ZFYVE21: variants seen among roughly 807,000 people sequenced by gnomAD.
ZFYVE21 encodes zinc finger FYVE domain-containing protein 21.
In ZFYVE21, 21 loss-of-function variants were observed where a neutral mutation model predicts 29.5. The observed-to-expected ratio is 0.71, with a 90% CI of 0.50 to 1.02. The LOEUF (loss-of-function observed/expected upper bound fraction) is 1.02, where lower values mean the gene tolerates loss of function less well. ZFYVE21 is among the 50% of genes least tolerant of loss of function. The pLI, the probability that ZFYVE21 is intolerant of heterozygous loss-of-function variation, is 0.00. For missense variants in ZFYVE21, 326 were observed against 335.4 expected (o/e 0.97, Z 0.22); for synonymous variants, 151 against 133.8 (o/e 1.13, Z -0.89).
At position 103,716,103 on chromosome 14, in the gene ZFYVE21, C is replaced by T. The variant is rs1278068825; in HGVS notation, c.138+124C>T. The T allele has an allele frequency of 6.2e-6, 6 of 963,094 alleles. No individual in the cohort carries two copies. The highest frequency in any genetic ancestry group is 7.8e-6 in the Non-Finnish European group (6 of 774,000). The allele number at this position is 963,094 out of a possible 1,614,324, so 59.7% of individuals were successfully genotyped here. ...GGGCGGCCCCTTCCCCAGCCGGCCC[C>T]CGCCCCCGCTCTCTCCCAGGTTGGC... On this transcript the variant is annotated intron_variant, in intron 1 of 6. Coordinates refer to ENST00000311141, the MANE Select transcript of ZFYVE21 (RefSeq NM_024071.4). The surrounding 1 kb of genome is among the most constrained non-coding windows in gnomAD (Gnocchi z 4.8).
rs2083817213 is a variant in ZFYVE21, at chr14:103,716,541, C to T, written c.138+562C>T. Among the ~76,000 whole-genome samples the T allele has an allele frequency of 6.6e-6, 1 of 152,238 alleles. No individual in the cohort carries two copies. Among genetic ancestry groups the T allele is most frequent in the African/African-American group, 2.4e-5 (1 of 41,466 alleles). On this transcript the variant is annotated intron_variant, in intron 1 of 6. Transcript: ENST00000311141. The surrounding 1 kb of genome is among the most constrained non-coding windows in gnomAD (Gnocchi z 4.8). ...CCTGCTCGGAAGGAGGGCCAGGACC[C>T]AGTCTGCGGGCCAGGCTGCCCCCCG...
chr14:103,716,300 G>T lies in ZFYVE21; in HGVS notation c.138+321G>T, dbSNP rs1261322924. On this transcript the variant is annotated intron_variant, in intron 1 of 6. Coordinates refer to ENST00000311141, the MANE Select transcript of ZFYVE21 (RefSeq NM_024071.4). This position sits in a 1 kb window ranked among gnomAD's most constrained non-coding sequence, Gnocchi z 4.8. ...CGGGGGTGGGTGCGGCCCTGCCCGA[G>T]GCCGGTTCGTGCTGGGCTAGCGCGT... Among the ~76,000 whole-genome samples, 1 of 152,190 alleles carries T rather than the reference G, an allele frequency of 6.6e-6. No homozygotes were observed. Among genetic ancestry groups the T allele is most frequent in the Non-Finnish European group, 1.5e-5 (1 of 68,018 alleles).
intron 1 of ZFYVE21, 180 bp from the exon 2 acceptor site, chr14:103,726,612 C>T: frequency 2.7e-6 from 2 of 747,294 alleles, no homozygotes; most frequent in Non-Finnish European, 4.6e-6. Context: ...ACCGCATTGG[C>T]TCTGGAGCCT....
chr14:103,729,959 G>A (rs1359681889), intron 5 of ZFYVE21: 4 of 1,224,950 alleles, frequency 3.3e-6, no homozygotes, highest in Non-Finnish European at 4.5e-6. Flanking sequence ...TGTGAAACCT[G>A]AATTCACTTA....
chr14:103,729,149 G>T lies in ZFYVE21; in HGVS notation c.493G>T (p.Val165Leu). The change falls in exon 5 of 7, where the codon GTG becomes TTG. Residue 165 changes from valine (V) to leucine (L), a missense_variant. Coordinates refer to ENST00000311141, the MANE Select transcript of ZFYVE21 (RefSeq NM_024071.4). Reference sequence around the variant, plus strand: ...AATCGAAATTGTACACATTTCCACCGTGCAGATCCTCACAGAAGGCTTCCC... The same window carrying T: ...AATCGAAATTGTACACATTTCCACCTTGCAGATCCTCACAGAAGGCTTCCC... ...YEIEIVHIST[V>L]QILTEGFPPG... The T allele has an allele frequency of 6.2e-7, 1 of 1,613,982 alleles. No homozygotes were observed. The highest frequency in any genetic ancestry group is 1.1e-5 in the South Asian group (1 of 91,070).
chr14:103,729,956 C>T (rs748664531), intron 5 of ZFYVE21: 24 of 1,238,858 alleles, frequency 1.9e-5, no homozygotes, highest in Non-Finnish European at 2.5e-5. Flanking sequence ...CTTTGTGAAA[C>T]CTGAATTCAC....
intron 2 of ZFYVE21, 191 bp from the exon 3 acceptor site, chr14:103,727,555 C>G (rs2083939214): frequency 1.3e-6 from 1 of 745,108 alleles, no homozygotes; most frequent in Admixed American, 2.0e-5. Context: ...GCCTCATTTC[C>G]CAGGTGAGGC....
chr14:103,727,353 C>A, intron 2 of ZFYVE21: 2 of 378,514 alleles, frequency 5.3e-6, no homozygotes, highest in East Asian at 6.9e-5. Context: ...GGCCTGTGCA[C>A]CCACCTGCCC....
At chr14:103,717,288 T>A (rs1047411483) in intron 1 of ZFYVE21, among the ~76,000 whole-genome samples, 1 of 152,240 alleles carries the variant, frequency 6.6e-6, no homozygotes, top group African/African-American at 2.4e-5. Flanking sequence ...TCATCTTTTT[T>A]AAAATTTACT....
At chr14:103,726,099 GA>G (rs2083920951) in intron 1 of ZFYVE21, 1 of 152,308 alleles carries the variant, frequency 6.6e-6, no homozygotes, top group South Asian at 2.1e-4. Context: ...TCCAGCTGAG[GA>G]AGCATCTTCA....
Position 103,715,830 on chromosome 14 carries a change from T to G in ZFYVE21, c.-12T>G, listed in dbSNP as rs2083796991. The G allele has an allele frequency of 2.2e-6, 3 of 1,388,422 alleles. No individual in the cohort carries two copies. Among genetic ancestry groups the G allele is most frequent in the African/African-American group, 3.0e-5 (2 of 65,912 alleles). 86.0% of individuals were successfully genotyped at this position (1,388,422 alleles called of 1,614,324 possible). On this transcript the variant is annotated 5_prime_UTR_variant, in exon 1 of 7. Coordinates refer to ENST00000311141, the MANE Select transcript of ZFYVE21 (RefSeq NM_024071.4). ...GGTGCGGGGCCGCTGGCCGAGAGGC[T>G]GAGGCGGCGTCATGTCCTCCGAGGT... is the stretch of plus-strand genomic sequence containing the variant.
chr14:103,729,642 A>G (rs1298330464), intron 5 of ZFYVE21: 2 of 1,005,854 alleles, frequency 2.0e-6, no homozygotes, highest in African/African-American at 3.2e-5. Flanking sequence ...GGGCCTCTCC[A>G]CTAAACTCTG....
rs1191710430 is a variant in ZFYVE21 at position 103,733,522 on chromosome 14, G to A, written c.*504G>A. 6.5e-6 allele frequency: 1 copy of A among 154,918 alleles called. No individual in the cohort carries two copies. Among genetic ancestry groups the A allele is most frequent in the Non-Finnish European group, 1.4e-5 (1 of 69,600 alleles). The allele number at this position is 154,918 out of a possible 1,614,324, so 9.6% of individuals were successfully genotyped here. A position where few individuals can be genotyped will look rare whatever the true frequency, so the allele number is the denominator to read the frequency against. On this transcript the variant is annotated 3_prime_UTR_variant, in exon 7 of 7. Coordinates refer to ENST00000311141, the MANE Select transcript of ZFYVE21 (RefSeq NM_024071.4). The stretch of plus-strand genomic sequence containing the variant: ...CTTGTCACTAATTTGGGGCTTCTGG[G>A]CTGTGAGTGATCCTTTGATACTTCA...
chr14:103,721,745 C>T (rs1460451205), intron 1 of ZFYVE21, among the ~76,000 whole-genome samples: 1 of 152,272 alleles, frequency 6.6e-6, no homozygotes, highest in Non-Finnish European at 1.5e-5. Context: ...TCGTGGCCCT[C>T]ACTAAACACC....
chr14:103,726,557 T>TA (rs2083926303), intron 1 of ZFYVE21: 1 of 544,880 alleles, frequency 1.8e-6, no homozygotes, highest in South Asian at 2.2e-5. Context: ...GCCCCATGGT[T>TA]ACGCTGGGTG....
At chr14:103,726,621 C>A in intron 1 of ZFYVE21, 171 bp from the exon 2 acceptor site, 1 of 797,532 alleles carries the variant, frequency 1.3e-6, no homozygotes, top group Non-Finnish European at 2.1e-6. Context: ...GCTCTGGAGC[C>A]TGGGCACAGG....
In ZFYVE21 at chr14:103,719,278, A is replaced by T. The variant is rs150154218; in HGVS notation, c.138+3299A>T. 6.3e-3 allele frequency among the ~76,000 whole-genome samples: 965 copies of T among 152,206 alleles called. 13 individuals carry two copies. The highest frequency in any genetic ancestry group is 0.022 in the African/African-American group (921 of 41,508). On this transcript the variant is annotated intron_variant, in intron 1 of 6. Coordinates refer to ENST00000311141, the MANE Select transcript of ZFYVE21 (RefSeq NM_024071.4). ...GGGCGACCAAGCGAGACTCCGTCTC[A>T]AAATAAATAAATAAATAATAAAAAT... is the stretch of plus-strand genomic sequence containing the variant.
intron 1 of ZFYVE21, among the ~76,000 whole-genome samples, chr14:103,718,985 G>C (rs912915241): frequency 7.6e-4 from 116 of 152,340 alleles, no homozygotes; most frequent in African/African-American, 2.7e-3. Context: ...TTCTGCGAGG[G>C]TCTCACAGGC....
intron 1 of ZFYVE21, among the ~76,000 whole-genome samples, chr14:103,720,631 T>G (rs1462202010): frequency 6.6e-6 from 1 of 152,174 alleles, no homozygotes; most frequent in Non-Finnish European, 1.5e-5. Context: ...TGGAGGCGCT[T>G]TTGGTTTCTT....
Sources: gnomAD v4.1 joint callset for allele counts (sites outside exome capture counted in the v4.1 genomes callset) on GRCh38, gnomAD v4.1.1 for gene constraint, Gnocchi (gnomAD v3.1) non-coding constraint, MANE v1.5 for transcripts, NCBI Gene and HGNC (gene_info 2026-07-23, HGNC 2026-07-21) for gene names.